The following NANOGNB variants were observed in gnomAD, a reference collection of about 807,000 sequenced individuals.
NANOGNB encodes NANOG neighbor homeobox, also known as homeobox C14.
Under a neutral mutation model 25.0 loss-of-function variants are expected in NANOGNB, and 30 were observed. The ratio of observed to expected loss-of-function variants is 1.20; its 90% CI spans 0.90 to 1.63. The LOEUF is 1.63. Among genes scored for constraint, NANOGNB ranks in the 40% most tolerant of loss-of-function variants. NANOGNB has a pLI of 0.00. For synonymous variants in NANOGNB, 84 were observed against 62.1 expected, an observed-to-expected ratio of 1.35 and a Z score of -1.66; for missense variants, 200 against 188.1, an observed-to-expected ratio of 1.06 and a Z score of -0.37.
Position 7,773,867 on chromosome 12 carries a change from C to T in NANOGNB, c.*16C>T. On this transcript the variant is annotated 3_prime_UTR_variant, in exon 4 of 4. Coordinates refer to ENST00000382119, the MANE Select transcript of NANOGNB (RefSeq NM_001145465.1). ...CCTCAAGTGATCTTCCTATTTTGGCCTCCAGAAATGCTGTGATTACAAGCA... is the reference window on the plus strand; with the variant it reads ...CCTCAAGTGATCTTCCTATTTTGGCTTCCAGAAATGCTGTGATTACAAGCA... The T allele has an allele frequency of 1.6e-6, 1 of 639,266 alleles. No individual in the cohort carries two copies. The highest frequency in any genetic ancestry group is 2.8e-6 in the Non-Finnish European group (1 of 362,310). The allele number at this position is 639,266 out of a possible 1,614,324, so 39.6% of individuals were successfully genotyped here.
chr12:7,770,786 A>G (rs959793882), intron 3 of NANOGNB, among the ~76,000 whole-genome samples: 3 of 151,958 alleles, frequency 2.0e-5, no homozygotes, highest in Non-Finnish European at 2.9e-5. Flanking sequence ...CTAATTTTGT[A>G]TTTTTAGTGG....
chr12:7,768,105 A>G (rs994117320), intron 1 of NANOGNB, among the ~76,000 whole-genome samples: 3 of 152,166 alleles, frequency 2.0e-5, no homozygotes, highest in Admixed American at 6.6e-5. Context: ...TTGTATAGAT[A>G]TAATACATTT....
chr12:7,765,739 T>C (rs1865240200), intron 1 of NANOGNB, among the ~76,000 whole-genome samples: 2 of 152,034 alleles, frequency 1.3e-5, no homozygotes, highest in African/African-American at 4.8e-5. Context: ...TTTACTAAGA[T>C]AGAGAGGCCT....
At position 7,774,012 on chromosome 12, in the gene NANOGNB, A is replaced by T; in HGVS notation, c.*161A>T. On this transcript the variant is annotated 3_prime_UTR_variant, in exon 4 of 4. Coordinates refer to ENST00000382119, the MANE Select transcript of NANOGNB (RefSeq NM_001145465.1). ...TGATTCCGTGGAGTAGAACTAAATG[A>T]GGGGTATGCAAAGGAGTTTTTATGT... 2 of 423,282 alleles carry T rather than the reference A, an allele frequency of 4.7e-6. No individual in the cohort carries two copies. The highest frequency in any genetic ancestry group is 8.3e-6 in the Non-Finnish European group (2 of 241,190). 26.2% of individuals were successfully genotyped at this position (423,282 alleles called of 1,614,324 possible).
In NANOGNB at chr12:7,770,635, G is replaced by A. The variant is rs950918582; in HGVS notation, c.515+117G>A. 7.3e-5 allele frequency: 45 copies of A among 619,174 alleles called. 1 individual carries two copies. Among genetic ancestry groups the A allele is most frequent in the East Asian group, 5.3e-4 (18 of 33,948 alleles). 38.4% of individuals were successfully genotyped at this position (619,174 alleles called of 1,614,324 possible). ...CCATAAACTTTTTTTTTTTTGAGAC[G>A]GAGTTTCGCTCTTGTTACCCAGGCT... On this transcript the variant is annotated intron_variant, in intron 3 of 3. Coordinates refer to ENST00000382119, the MANE Select transcript of NANOGNB (RefSeq NM_001145465.1).
In NANOGNB at chr12:7,773,962, T is replaced by A; in HGVS notation, c.*111T>A. ...ACCAATAAATGGAGTTCTGAAAGGATAAACAAGAAAACATTAACAGTCGTT... is the reference window on the plus strand; with the variant it reads ...ACCAATAAATGGAGTTCTGAAAGGAAAAACAAGAAAACATTAACAGTCGTT... On this transcript the variant is annotated 3_prime_UTR_variant, in exon 4 of 4. Coordinates refer to ENST00000382119, the MANE Select transcript of NANOGNB (RefSeq NM_001145465.1). The A allele has an allele frequency of 2.1e-6, 1 of 486,706 alleles. No homozygotes were observed. Among genetic ancestry groups the A allele is most frequent in the Non-Finnish European group, 3.6e-6 (1 of 277,876 alleles). The allele number at this position is 486,706 out of a possible 1,614,324, so 30.1% of individuals were successfully genotyped here. A position where few individuals can be genotyped will look rare whatever the true frequency, so the allele number is the denominator to read the frequency against.
At chr12:7,771,723 C>T (rs986416201) in intron 3 of NANOGNB, among the ~76,000 whole-genome samples, 3 of 152,160 alleles carry the variant, frequency 2.0e-5, no homozygotes, top group South Asian at 2.1e-4. Flanking sequence ...TGGGTTCAAG[C>T]GATTCTCCTG....
chr12:7,767,898 A>G (rs7307710), intron 1 of NANOGNB, among the ~76,000 whole-genome samples: 148,042 of 151,836 alleles, frequency 0.98, 72,273 homozygotes, highest in East Asian at 1. Flanking sequence ...TTTTTTGCGG[A>G]GAGGAGACCT....
In NANOGNB at chr12:7,770,427, A is replaced by AT; in HGVS notation, c.436-5dup. The AT allele has an allele frequency of 6.5e-7, 1 of 1,536,794 alleles. No individual in the cohort carries two copies. The highest frequency in any genetic ancestry group is 1.2e-5 in the South Asian group (1 of 82,362). Reference sequence around the variant, plus strand: ...CTGTATTAATCACCTCCCACACCTCATTTTTTTGTAGATAAGTCAATGGTT... The same window carrying AT: ...CTGTATTAATCACCTCCCACACCTCATTTTTTTTGTAGATAAGTCAATGGTT... On this transcript the variant is annotated splice_polypyrimidine_tract_variant and intron_variant, in intron 2 of 3. Transcript: ENST00000382119.
chr12:7,770,069 G>C lies in NANOGNB; in HGVS notation c.189G>C (p.Trp63Cys), dbSNP rs1225869520. Residue 63 changes from tryptophan (W) to cysteine (C), a missense_variant, in exon 2 of 4, where the codon TGG (tryptophan) becomes TGC (cysteine). By Grantham distance (215) the Trp-to-Cys change is radical. Transcript: ENST00000382119. ...ATGAACAAAATGGAAAGCAGAAATGGAGAGAAGAAGGAGAAGCAGGCAGAA... is the reference window on the plus strand; with the variant it reads ...ATGAACAAAATGGAAAGCAGAAATGCAGAGAAGAAGGAGAAGCAGGCAGAA... ...SEDEQNGKQK[W>C]REEGEAGRKR... 8 of 1,544,062 alleles carry C rather than the reference G, an allele frequency of 5.2e-6. No homozygotes were observed. In the South Asian group the frequency reaches 9.7e-5, roughly 19 times the overall value.
At chr12:7,769,940 T>C in intron 1 of NANOGNB, 43 bp from the exon 2 acceptor site, 1 of 1,404,214 alleles carries the variant, frequency 7.1e-7, no homozygotes, top group Non-Finnish European at 9.5e-7. Context: ...GAAAGTCAAA[T>C]TTAGCTGCAG....
chr12:7,772,959 C>T (rs547978304), intron 3 of NANOGNB, among the ~76,000 whole-genome samples: 80 of 152,114 alleles, frequency 5.3e-4, no homozygotes, highest in Middle Eastern at 6.8e-3. Context: ...AAAAGAGTTA[C>T]ATGCATGAGA....
rs537788221 is a variant in NANOGNB at position 7,771,387 on chromosome 12, A to ATT, written c.515+873_515+874dup. Among the ~76,000 whole-genome samples the ATT allele has an allele frequency of 7.4e-3, 1,116 of 151,326 alleles. 4 individuals are homozygous for ATT. Among genetic ancestry groups the ATT allele is most frequent in the Middle Eastern group, 0.027 (8 of 292 alleles). ...AGGCACCCACCACCACGCCCGGCTA[A>ATT]TTTTTGTATTTTTAGTAGAGACGGG... On this transcript the variant is annotated intron_variant, in intron 3 of 3. Transcript: ENST00000382119.
intron 1 of NANOGNB, among the ~76,000 whole-genome samples, chr12:7,769,402 A>G (rs1865272896): frequency 6.6e-6 from 1 of 151,540 alleles, no homozygotes. Context: ...AGCCCACTGC[A>G]ACCTCTGCCT....
chr12:7,770,534 T>C lies in NANOGNB; in HGVS notation c.515+16T>C, dbSNP rs189893849. ...AACATATGAGGTAAGAAAGTGTTTC[T>C]TGTAAAATAAAAGGAAGTAGAAGGA... is the stretch of plus-strand genomic sequence containing the variant. On this transcript the variant is annotated intron_variant, in intron 3 of 3. Transcript: ENST00000382119. 62 of 1,413,116 alleles carry C rather than the reference T, an allele frequency of 4.4e-5. 1 individual carries two copies. The highest frequency in any genetic ancestry group is 1.8e-4 in the Admixed American group (8 of 44,998). 87.5% of individuals were successfully genotyped at this position (1,413,116 alleles called of 1,614,324 possible).
At chr12:7,771,418 A>G (rs1565471959) in intron 3 of NANOGNB, among the ~76,000 whole-genome samples, 1 of 151,688 alleles carries the variant, frequency 6.6e-6, no homozygotes, top group Non-Finnish European at 1.5e-5. Context: ...ACGGGGTTTC[A>G]CTGTGTTAGC....
rs1266300920 is a variant in NANOGNB, at chr12:7,765,367, G to T, written c.82G>T (p.Glu28Ter). 3 of 533,364 alleles carry T rather than the reference G, an allele frequency of 5.6e-6. No homozygotes were observed. The highest frequency in any genetic ancestry group is 6.3e-6 in the Non-Finnish European group (2 of 318,998). The allele number at this position is 533,364 out of a possible 1,614,324, so 33.0% of individuals were successfully genotyped here. ...EAGRSRGQEI[E>*]TILANKKQSA... ...GGGCAGATCACGAGGTCAGGAAATC[G>T]AGACCATCTTGGCTAACAAGGTAAA... The change falls in exon 1 of 4, where the codon GAG becomes TAG. Residue 28 changes from glutamate to a stop codon, truncating the protein, a stop_gained. Coordinates refer to ENST00000382119, the MANE Select transcript of NANOGNB (RefSeq NM_001145465.1). LOFTEE classifies it high-confidence loss of function.
At chr12:7,766,289 G>A (rs1865243604) in intron 1 of NANOGNB, 2 of 394,260 alleles carry the variant, frequency 5.1e-6, no homozygotes, top group Non-Finnish European at 8.9e-6. Context: ...TGGCCAAGAT[G>A]ATGAAACCCC....
chr12:7,773,014 C>T (rs1342570276), intron 3 of NANOGNB, among the ~76,000 whole-genome samples: 2 of 151,974 alleles, frequency 1.3e-5, no homozygotes, highest in South Asian at 4.1e-4. Flanking sequence ...AATGAGGAAG[C>T]GTATATTTTC....
Sources: allele counts gnomAD v4.1 joint callset (sites outside exome capture counted in the v4.1 genomes callset), GRCh38; gene constraint gnomAD v4.1.1; transcripts MANE v1.5; gene names NCBI Gene and HGNC (gene_info 2026-07-23, HGNC 2026-07-21).